The following PHF24 variants were observed in gnomAD, a reference collection of about 807,000 sequenced individuals.
The protein encoded by PHF24 is PHD finger protein 24.
PHF24 carries 25 observed loss-of-function variants against 42.6 expected under a neutral mutation model. The ratio of observed to expected loss-of-function variants is 0.59; its 90% CI spans 0.43 to 0.82. The LOEUF (loss-of-function observed/expected upper bound fraction) is 0.82. Ranked by LOEUF, PHF24 falls within the 40% of genes least tolerant of loss-of-function variation. The pLI is 0.00. For missense variants in PHF24, 470 were observed against 538.1 expected, an observed-to-expected ratio of 0.87 and a Z score of 1.25; for synonymous variants, 185 against 204.8, an observed-to-expected ratio of 0.90 and a Z score of 0.83.
the PHF24 span, among the ~76,000 whole-genome samples, chr9:34,716,362 C>T: frequency 0.19 from 28,454 of 151,936 alleles, 3,578 homozygotes; most frequent in Non-Finnish European, 0.28. Context: ...ATTGGGTTTG[C>T]GGTTCCTGTT....
the PHF24 span, among the ~76,000 whole-genome samples, chr9:34,757,551 G>A: frequency 1.3e-5 from 2 of 152,124 alleles, no homozygotes; most frequent in South Asian, 2.1e-4. Context: ...TACGAATCTG[G>A]TGGAACAGTC....
chr9:34,974,273 C>T lies in PHF24; in HGVS notation c.564+1742C>T, dbSNP rs142209341. Among the ~76,000 whole-genome samples the T allele has an allele frequency of 5.0e-3, 758 of 152,322 alleles. 7 individuals carry two copies. The highest frequency in any genetic ancestry group is 0.02 in the Middle Eastern group (6 of 294). ...CCATCATTCTGCAGAACTGTTGCTTCCTAAGGTCACCAGTCACCTCCTAAT... is the reference window on the plus strand; with the variant it reads ...CCATCATTCTGCAGAACTGTTGCTTTCTAAGGTCACCAGTCACCTCCTAAT... On this transcript the variant is annotated intron_variant, in intron 3 of 7. Transcript: ENST00000242315.
At chr9:34,731,151 G>C in the PHF24 span, among the ~76,000 whole-genome samples, 5 of 152,084 alleles carry the variant, frequency 3.3e-5, no homozygotes, top group South Asian at 6.2e-4. Context: ...TTTTGTATGG[G>C]TACATAGTAG....
chr9:34,680,077 A>G, the PHF24 span, among the ~76,000 whole-genome samples: 1 of 152,266 alleles, frequency 6.6e-6, no homozygotes, highest in Admixed American at 6.5e-5. Context: ...TTTTACAGCA[A>G]TAGAAAACCA....
chr9:34,779,129 A>G, the PHF24 span, among the ~76,000 whole-genome samples: 1 of 152,250 alleles, frequency 6.6e-6, no homozygotes, highest in East Asian at 1.9e-4. Flanking sequence ...AGTGATAAAC[A>G]TCTATATTAA....
At chr9:34,902,858 A>G in the PHF24 span, among the ~76,000 whole-genome samples, 2 of 152,320 alleles carry the variant, frequency 1.3e-5, no homozygotes, top group Admixed American at 1.3e-4. Flanking sequence ...ATCTCTGTGG[A>G]TAATATTATG....
At chr9:34,694,057 C>G in the PHF24 span, among the ~76,000 whole-genome samples, 2 of 152,000 alleles carry the variant, frequency 1.3e-5, no homozygotes, top group Admixed American at 6.6e-5. Flanking sequence ...GCAGGAGAAT[C>G]CCAAGGCTCA....
chr9:34,922,513 C>A, the PHF24 span: 1 of 1,137,232 alleles, frequency 8.8e-7, no homozygotes, highest in East Asian at 2.3e-5. Flanking sequence ...CCTTTCTTAT[C>A]ATCACCAGCG....
At chr9:34,850,442 T>G in the PHF24 span, among the ~76,000 whole-genome samples, 2 of 152,260 alleles carry the variant, frequency 1.3e-5, no homozygotes, top group African/African-American at 4.8e-5. Flanking sequence ...AGCCTTGGCT[T>G]TCAGCTCCAT....
chr9:34,677,683 C>T, the PHF24 span, among the ~76,000 whole-genome samples: 1 of 152,256 alleles, frequency 6.6e-6, no homozygotes, highest in East Asian at 1.9e-4. Context: ...CAGGTGTGAG[C>T]CACTTCGCCC....
At chr9:34,700,443 A>G in the PHF24 span, among the ~76,000 whole-genome samples, 3 of 152,208 alleles carry the variant, frequency 2.0e-5, no homozygotes, top group Non-Finnish European at 2.9e-5. Flanking sequence ...GGGGTTCAGC[A>G]TAGGATATGA....
the PHF24 span, among the ~76,000 whole-genome samples, chr9:34,936,638 G>A: frequency 3.3e-5 from 5 of 149,726 alleles, no homozygotes; most frequent in Non-Finnish European, 7.4e-5. Context: ...GCCTCTTCCC[G>A]GCCGCCATCC....
chr9:34,895,800 G>A, the PHF24 span: 452 of 398,392 alleles, frequency 1.1e-3, 1 homozygote, highest in African/African-American at 8.5e-3. Flanking sequence ...TTTACACCTC[G>A]TCATTTCTGC....
the PHF24 span, among the ~76,000 whole-genome samples, chr9:34,747,577 A>G: frequency 6.6e-6 from 1 of 152,226 alleles, no homozygotes; most frequent in African/African-American, 2.4e-5. Flanking sequence ...TCTCAGAAAT[A>G]TAAATAAAGC....
At chr9:34,933,945 A>G in the PHF24 span, among the ~76,000 whole-genome samples, 3 of 151,720 alleles carry the variant, frequency 2.0e-5, no homozygotes, top group Admixed American at 1.3e-4. Context: ...GGGTTTTACT[A>G]TGTTAGCCAT....
At chr9:34,665,822 G>A in the PHF24 span, 1 of 612,872 alleles carries the variant, frequency 1.6e-6, no homozygotes. Flanking sequence ...GGGACAGGGT[G>A]GGCTTGGAGA....
At chr9:34,943,392 G>A in the PHF24 span, among the ~76,000 whole-genome samples, 1 of 152,154 alleles carries the variant, frequency 6.6e-6, no homozygotes, top group Non-Finnish European at 1.5e-5. Flanking sequence ...AGTGCAGTCA[G>A]GAACAGGAAA....
At chr9:34,875,289 C>A in the PHF24 span, among the ~76,000 whole-genome samples, 1 of 152,270 alleles carries the variant, frequency 6.6e-6, no homozygotes, top group Admixed American at 6.5e-5. Context: ...CAATATTCTT[C>A]TTGTCTTTTA....
chr9:34,785,175 G>T, the PHF24 span, among the ~76,000 whole-genome samples: 1 of 152,190 alleles, frequency 6.6e-6, no homozygotes, highest in South Asian at 2.1e-4. Flanking sequence ...GTTGTTTGCT[G>T]TTCTTTCTGT....
Sources: allele counts gnomAD v4.1 joint callset (sites outside exome capture counted in the v4.1 genomes callset), GRCh38; gene constraint gnomAD v4.1.1; transcripts MANE v1.5; gene names NCBI Gene and HGNC (gene_info 2026-07-23, HGNC 2026-07-21).